PIK3C2B: variants seen among roughly 807,000 people sequenced by gnomAD.
PIK3C2B encodes the protein phosphatidylinositol-4-phosphate 3-kinase catalytic subunit type 2 beta.
Under a neutral mutation model 184.3 loss-of-function variants are expected in PIK3C2B, and 83 were observed. That is an observed-to-expected ratio of 0.45 (90% CI 0.38 to 0.54). The LOEUF is 0.54. PIK3C2B is among the 20% of genes least tolerant of loss of function. The probability of loss-of-function intolerance (pLI) is 0.00; values close to 1 mark genes in which losing one functional copy is unlikely to be tolerated. For synonymous variants in PIK3C2B, 779 were observed against 837.6 expected (o/e 0.93, Z 1.21); for missense variants, 1,736 against 2,113.5 (o/e 0.82, Z 3.50).
intron 11 of PIK3C2B, among the ~76,000 whole-genome samples, chr1:204,455,594 G>A (rs532053960): frequency 1.3e-5 from 2 of 152,282 alleles, no homozygotes; most frequent in African/African-American, 4.8e-5. Flanking sequence ...GGAGGGGGCA[G>A]GGATGCAGAG....
intron 2 of PIK3C2B, 99 bp from the exon 3 acceptor site, chr1:204,465,418 T>G (rs1304057973): frequency 2.7e-6 from 2 of 732,792 alleles, no homozygotes; most frequent in African/African-American, 3.5e-5. Context: ...ATGAAAAGAC[T>G]TTCTAGTCAC....
At chr1:204,450,680 A>C (rs967674724) in intron 12 of PIK3C2B, among the ~76,000 whole-genome samples, 7 of 152,206 alleles carry the variant, frequency 4.6e-5, no homozygotes, top group Non-Finnish European at 8.8e-5. Context: ...TGGCAGGGCC[A>C]AGAGAACTGA....
intron 28 of PIK3C2B, 43 bp downstream of exon 28, chr1:204,431,626 C>A (rs1675063105): frequency 6.2e-7 from 1 of 1,612,492 alleles, no homozygotes; most frequent in South Asian, 1.1e-5. Flanking sequence ...TCCTTTCCCC[C>A]TCCCCGACAT....
At chr1:204,437,145 T>C (rs1675387607) in intron 23 of PIK3C2B, among the ~76,000 whole-genome samples, 1 of 151,970 alleles carries the variant, frequency 6.6e-6, no homozygotes, top group Admixed American at 6.6e-5. Context: ...AGGCTCTGTG[T>C]GCAATGCTAT....
chr1:204,481,531 A>G (rs1355545771), intron 1 of PIK3C2B, among the ~76,000 whole-genome samples: 1 of 152,192 alleles, frequency 6.6e-6, no homozygotes, highest in Non-Finnish European at 1.5e-5. Flanking sequence ...TGCTGGGATT[A>G]CAGGCATGAG....
At chr1:204,494,320 C>T (rs1416046999) in intron 1 of PIK3C2B, 36 bp downstream of exon 1, 1 of 152,466 alleles carries the variant, frequency 6.6e-6, no homozygotes, top group African/African-American at 2.4e-5. Context: ...TTTACAGACG[C>T]TGGGGCCGAT....
chr1:204,469,035 C>T lies in PIK3C2B; in HGVS notation c.768G>A (p.Trp256Ter). The T allele has an allele frequency of 6.2e-7, 1 of 1,614,230 alleles. No individual in the cohort carries two copies. The highest frequency in any genetic ancestry group is 8.5e-7 in the Non-Finnish European group (1 of 1,180,044). The change falls in exon 2 of 33, where the codon TGG becomes TGA. Residue 256 changes from tryptophan (W) to a stop codon, truncating the protein, a stop_gained. Coordinates refer to ENST00000684373, the MANE Select transcript of PIK3C2B (RefSeq NM_001377334.1). LOFTEE classifies it high-confidence loss of function. ...AEMLRDATRG[W>*]KEGRGPLDFS... ...AGTCCAGCGGCCCTCGGCCCTCCTT[C>T]CAGCCCCTGGTGGCATCCCGCAACA... is the stretch of plus-strand genomic sequence containing the variant.
intron 1 of PIK3C2B, among the ~76,000 whole-genome samples, chr1:204,479,432 G>A (rs935438708): frequency 1.3e-5 from 2 of 152,172 alleles, no homozygotes; most frequent in African/African-American, 4.8e-5. Context: ...CAGCTGAGGA[G>A]ACCACCGAGG....
chr1:204,480,034 A>G (rs1273937143), intron 1 of PIK3C2B, among the ~76,000 whole-genome samples: 2 of 152,216 alleles, frequency 1.3e-5, no homozygotes, highest in East Asian at 3.8e-4. Context: ...GGGCCGGGCT[A>G]ACCCATCCAG....
At chr1:204,431,108 G>A (rs989381999) in intron 28 of PIK3C2B, among the ~76,000 whole-genome samples, 4 of 152,064 alleles carry the variant, frequency 2.6e-5, no homozygotes, top group African/African-American at 9.7e-5. Context: ...TTTTCATCTT[G>A]CAAAACTGAA....
At chr1:204,461,876 C>G (rs915262681) in intron 5 of PIK3C2B, among the ~76,000 whole-genome samples, 3 of 152,130 alleles carry the variant, frequency 2.0e-5, no homozygotes, top group Admixed American at 6.5e-5. Context: ...CCACTCACCC[C>G]CTCAGTATCA....
Position 204,456,018 on chromosome 1 carries a change from A to C in PIK3C2B, c.1781T>G (p.Leu594Trp), listed in dbSNP as rs902540382. The C allele has an allele frequency of 3.7e-6, 6 of 1,614,074 alleles. No individual in the cohort carries two copies. Among genetic ancestry groups the C allele is most frequent in the Non-Finnish European group, 5.1e-6 (6 of 1,179,928 alleles). ...GTTGCAGTACAGCTCCACCAGGTCC[A>C]AGATGGCAGCGGTCAGGGCTTCCAC... is the stretch of plus-strand genomic sequence containing the variant. ...KVVEALTAAILDLVELYCNTF... is the reference protein window; with the variant it reads ...KVVEALTAAIWDLVELYCNTF... Residue 594 changes from leucine to tryptophan, a missense_variant, in exon 11 of 33, where the codon TTG becomes TGG. Physicochemically the swap from Leu to Trp is moderately conservative, Grantham distance 61. This residue lies in a region of PIK3C2B where 609 missense variants were observed against 699.2 expected (regional missense o/e 0.87). Coordinates refer to ENST00000684373, the MANE Select transcript of PIK3C2B (RefSeq NM_001377334.1).
intron 12 of PIK3C2B, among the ~76,000 whole-genome samples, chr1:204,450,465 T>C (rs563282515): frequency 6.6e-6 from 1 of 152,186 alleles, no homozygotes; most frequent in South Asian, 2.1e-4. Flanking sequence ...TTCTTGCTGC[T>C]GAGAGCCACC....
chr1:204,491,925 TATC>T (rs1658039511), intron 1 of PIK3C2B, among the ~76,000 whole-genome samples: 1 of 152,150 alleles, frequency 6.6e-6, no homozygotes. Context: ...TTCCTACAAA[TATC>T]ATGAGGCATC....
intron 32 of PIK3C2B, among the ~76,000 whole-genome samples, 168 bp downstream of exon 32, chr1:204,425,445 C>T (rs1480376623): frequency 6.6e-6 from 1 of 152,238 alleles, no homozygotes; most frequent in South Asian, 2.1e-4. Flanking sequence ...GTTACAACTA[C>T]TCGATCCTGC....
At chr1:204,435,318 C>T (rs1377847119) in intron 23 of PIK3C2B, 1 of 152,032 alleles carries the variant, frequency 6.6e-6, no homozygotes, top group Non-Finnish European at 1.5e-5. Flanking sequence ...AACATCCATC[C>T]CCTTATCTGT....
At chr1:204,480,299 G>A (rs753962050) in intron 1 of PIK3C2B, among the ~76,000 whole-genome samples, 1 of 152,196 alleles carries the variant, frequency 6.6e-6, no homozygotes, top group Non-Finnish European at 1.5e-5. Flanking sequence ...ACCTTTCTCA[G>A]ATGTCCAAAA....
intron 14 of PIK3C2B, among the ~76,000 whole-genome samples, chr1:204,448,295 A>C (rs1654044741): frequency 6.6e-6 from 1 of 151,394 alleles, no homozygotes; most frequent in South Asian, 2.1e-4. Context: ...TTGTATTTCT[A>C]GTAGAGACAG....
intron 14 of PIK3C2B, among the ~76,000 whole-genome samples, chr1:204,448,878 C>G (rs1654103684): frequency 6.6e-6 from 1 of 152,080 alleles, no homozygotes; most frequent in South Asian, 2.1e-4. Flanking sequence ...TTTGATCAGA[C>G]TTAGACGTAT....
Sources: gnomAD v4.1 joint callset for allele counts (sites outside exome capture counted in the v4.1 genomes callset) on GRCh38, gnomAD v4.1.1 for gene constraint, gnomAD v4.1.1 regional missense constraint, MANE v1.5 for transcripts, NCBI Gene and HGNC (gene_info 2026-07-23, HGNC 2026-07-21) for gene names.